Variants in NHS observed in about 807,000 individuals in gnomAD.
NHS encodes the protein NHS actin remodeling regulator.
In NHS, 5 loss-of-function variants were observed where a neutral mutation model predicts 72.5. That is an observed-to-expected ratio of 0.07 (90% CI 0.04 to 0.14). The LOEUF (loss-of-function observed/expected upper bound fraction) is 0.14, where lower values mean the gene tolerates loss of function less well. Among genes scored for constraint, NHS ranks in the 10% least tolerant of loss-of-function variants. NHS has a pLI of 1.00. For missense variants in NHS, 1,072 were observed against 1,355.7 expected (o/e 0.79, Z 3.29); for synonymous variants, 464 against 547.7 (o/e 0.85, Z 2.13).
intron 1 of NHS, among the ~76,000 whole-genome samples, chrX:17,545,310 C>T (rs1214957032): frequency 3.6e-5 from 4 of 112,326 alleles, no homozygotes; most frequent in African/African-American, 9.7e-5. Context: ...ATTATTTGCT[C>T]GGCTAATAGT....
chrX:17,489,705 T>C lies in NHS; in HGVS notation c.565+113383T>C, dbSNP rs1224343400. The stretch of plus-strand genomic sequence containing the variant: ...GGTTTCACTGTGTTAGCCAGGATTG[T>C]CTCCATCTCCTGACCTTGTGATCTG... On this transcript the variant is annotated intron_variant, in intron 1 of 8. Transcript: ENST00000676302. 3.6e-5 allele frequency among the ~76,000 whole-genome samples: 4 copies of C among 112,049 alleles called. No individual in the cohort carries two copies. The East Asian group carries it at 8.4e-4, about 24-fold the overall frequency.
Position 17,725,544 on chromosome X carries a change from G to T in NHS, c.1438G>T (p.Ala480Ser). Reference protein sequence around the residue: ...QSIAASLSHSAGNISALADKG... With the variant: ...QSIAASLSHSSGNISALADKG... ...CATTGCAGCTTCCCTTTCTCATTCT[G>T]CTGGCAACATTTCTGCCCTAGCAGA... The change falls in exon 7 of 9, where the codon GCT becomes TCT. Residue 480 changes from alanine to serine, a missense_variant. Coordinates refer to ENST00000676302, the MANE Select transcript of NHS (RefSeq NM_001291867.2). The T allele has an allele frequency of 8.3e-7, 1 of 1,211,745 alleles. No individual in the cohort carries two copies. The highest frequency in any genetic ancestry group is 1.1e-6 in the Non-Finnish European group (1 of 895,559).
intron 1 of NHS, among the ~76,000 whole-genome samples, chrX:17,577,061 C>G (rs1489159532): frequency 6.3e-5 from 7 of 111,916 alleles, no homozygotes. Flanking sequence ...TTCTCCTAAT[C>G]CCCCTGCCAG....
At chrX:17,438,809 C>A (rs1398897594) in intron 1 of NHS, among the ~76,000 whole-genome samples, 1 of 111,134 alleles carries the variant, frequency 9.0e-6, no homozygotes. Context: ...TAATCTGAAC[C>A]AGCATTTGCC....
intron 1 of NHS, chrX:17,585,909 C>T (rs1357231454): frequency 9.1e-6 from 1 of 110,347 alleles, no homozygotes; most frequent in East Asian, 2.8e-4. Flanking sequence ...AAGAGTGTGT[C>T]TCTGTGGTTG....
intron 1 of NHS, among the ~76,000 whole-genome samples, chrX:17,536,348 C>G (rs1339429426): frequency 1.8e-5 from 2 of 112,078 alleles, no homozygotes; most frequent in Non-Finnish European, 3.8e-5. Context: ...GAGCGAGACT[C>G]CGTCTCAAAA....
chrX:17,453,764 T>C (rs2064815427), intron 1 of NHS, among the ~76,000 whole-genome samples: 1 of 112,131 alleles, frequency 8.9e-6, no homozygotes, highest in African/African-American at 3.2e-5. Context: ...TGTAATCCTT[T>C]GATGAACAAA....
At chrX:17,569,314 C>T (rs1301116563) in intron 1 of NHS, among the ~76,000 whole-genome samples, 3 of 109,179 alleles carry the variant, frequency 2.7e-5, no homozygotes, top group South Asian at 3.8e-4. Context: ...TCTCCACATC[C>T]TCTCCAGCAC....
intron 1 of NHS, among the ~76,000 whole-genome samples, chrX:17,524,179 A>G (rs1413638635): frequency 8.9e-6 from 1 of 112,094 alleles, no homozygotes; most frequent in African/African-American, 3.2e-5. Context: ...ACCTTTATCT[A>G]GATTCACTAA....
rs928258173 is a variant in NHS, at chrX:17,585,526, T to C, written c.566-102216T>C. ...CTCTGTTTGGTTTTCTAAAGATCCA[T>C]TGGGATCCAGTGTGGTTAGATTTTC... is the stretch of plus-strand genomic sequence containing the variant. On this transcript the variant is annotated intron_variant, in intron 1 of 8. Transcript: ENST00000676302. Among the ~76,000 whole-genome samples, 11 of 110,690 alleles carry C rather than the reference T, an allele frequency of 9.9e-5. No individual in the cohort carries two copies. In the South Asian group the frequency reaches 2.7e-3, roughly 27 times the overall value.
Position 17,591,945 on chromosome X carries a change from A to T in NHS, c.566-95797A>T, listed in dbSNP as rs2065604937. Among the ~76,000 whole-genome samples the T allele has an allele frequency of 4.5e-5, 5 of 111,324 alleles. No homozygotes were observed. The Admixed American group carries it at 4.8e-4, about 11-fold the overall frequency. On this transcript the variant is annotated intron_variant, in intron 1 of 8. Coordinates refer to ENST00000676302, the MANE Select transcript of NHS (RefSeq NM_001291867.2). ...CTTCTGACTCTCGTGGTTCCTGGAT[A>T]GTCTTGTGTTTCTGTGTGTTTGCAT...
Position 17,719,418 on chromosome X carries a change from G to A in NHS, c.915+12G>A. On this transcript the variant is annotated intron_variant, in intron 4 of 8. Coordinates refer to ENST00000676302, the MANE Select transcript of NHS (RefSeq NM_001291867.2). ...CGTGGAGTAGAAAGGTATTGGTTCT[G>A]AGAACATTCCTTCACGGCCCTATCC... 8.7e-7 allele frequency: 1 copy of A among 1,149,982 alleles called. No homozygotes were observed. Among genetic ancestry groups the A allele is most frequent in the South Asian group, 1.9e-5 (1 of 51,738 alleles). 94.8% of individuals were successfully genotyped at this position (1,149,982 alleles called of 1,213,427 possible).
rs182028567 is a variant in NHS, at chrX:17,551,626, C to T, written c.566-136116C>T. 4.9e-3 allele frequency among the ~76,000 whole-genome samples: 550 copies of T among 111,695 alleles called. 2 individuals carry two copies. The highest frequency in any genetic ancestry group is 7.9e-3 in the Non-Finnish European group (417 of 53,004). Reference sequence around the variant, plus strand: ...TTTAAAGCTTCATCATGGTGGGGTGCGGGGGGGCCCCTTGATGAAGCTGCC... The same window carrying T: ...TTTAAAGCTTCATCATGGTGGGGTGTGGGGGGGCCCCTTGATGAAGCTGCC... On this transcript the variant is annotated intron_variant, in intron 1 of 8. Transcript: ENST00000676302.
intron 1 of NHS, among the ~76,000 whole-genome samples, chrX:17,414,599 C>A (rs6527795): frequency 1.4e-3 from 153 of 111,814 alleles, no homozygotes; most frequent in Middle Eastern, 4.6e-3. Flanking sequence ...ACGTTACTAG[C>A]AGTTTGCTCA....
At chrX:17,555,782 C>T (rs5909377) in intron 1 of NHS, among the ~76,000 whole-genome samples, 34,395 of 110,648 alleles carry the variant, frequency 0.31, 4,091 homozygotes, top group East Asian at 0.72. Context: ...ACTCCCTCCT[C>T]CACCCACCCC....
intron 1 of NHS, among the ~76,000 whole-genome samples, chrX:17,653,452 T>C (rs952539356): frequency 4.6e-5 from 5 of 108,103 alleles, no homozygotes; most frequent in African/African-American, 1.7e-4. Flanking sequence ...CTCTCTGCCA[T>C]GGGACTTGCT....
intron 1 of NHS, among the ~76,000 whole-genome samples, chrX:17,522,237 CTTAG>C (rs1459522398): frequency 1.3e-4 from 15 of 112,593 alleles, no homozygotes; most frequent in African/African-American, 2.3e-4. Flanking sequence ...GGAGCAAGCT[CTTAG>C]TTAGTTAGTG....
intron 1 of NHS, among the ~76,000 whole-genome samples, chrX:17,454,482 C>T (rs893617514): frequency 1.4e-4 from 16 of 112,141 alleles, no homozygotes; most frequent in South Asian, 3.7e-4. Flanking sequence ...GCAATCCATT[C>T]GCTCATTCTG....
intron 1 of NHS, among the ~76,000 whole-genome samples, chrX:17,633,766 C>T (rs1438750859): frequency 8.9e-6 from 1 of 112,013 alleles, no homozygotes; most frequent in Admixed American, 9.5e-5. Context: ...GGAGATTAAC[C>T]TTTTAAAACC....
Sources: gnomAD v4.1 joint callset for allele counts (sites outside exome capture counted in the v4.1 genomes callset) on GRCh38, gnomAD v4.1.1 for gene constraint, MANE v1.5 for transcripts, NCBI Gene and HGNC (gene_info 2026-07-23, HGNC 2026-07-21) for gene names.